Variants in EYS observed in about 807,000 individuals in gnomAD.
The protein encoded by EYS is protein eyes shut homolog.
In EYS, 250 loss-of-function variants were observed where a neutral mutation model predicts 282.1. The observed-to-expected ratio is 0.89, with a 90% CI of 0.80 to 0.98. The LOEUF (loss-of-function observed/expected upper bound fraction) is 0.98. Among genes scored for constraint, EYS ranks in the 50% least tolerant of loss-of-function variants. EYS has a pLI of 0.00. For synonymous variants in EYS, 1,355 were observed against 1,282.9 expected (o/e 1.06, Z -1.20); for missense variants, 4,016 against 3,709.0 (o/e 1.08, Z -2.15).
intron 35 of EYS, among the ~76,000 whole-genome samples, chr6:63,918,138 T>G (rs1483030952): frequency 3.9e-5 from 6 of 152,164 alleles, no homozygotes; most frequent in Admixed American, 1.3e-4. Flanking sequence ...AGATAAAAGA[T>G]TGCATAAATA....
At chr6:64,086,020 T>C (rs1772146016) in intron 31 of EYS, among the ~76,000 whole-genome samples, 1 of 152,220 alleles carries the variant, frequency 6.6e-6, no homozygotes, top group African/African-American at 2.4e-5. Context: ...ACTTTGGCTG[T>C]CTTCTTACCT....
intron 33 of EYS, among the ~76,000 whole-genome samples, chr6:64,026,343 G>T (rs554806880): frequency 6.6e-6 from 1 of 152,200 alleles, no homozygotes; most frequent in African/African-American, 2.4e-5. Context: ...AACCATGGGC[G>T]GTTTTGTCTT....
chr6:64,152,722 C>T (rs915777984), intron 31 of EYS, among the ~76,000 whole-genome samples: 1 of 152,092 alleles, frequency 6.6e-6, no homozygotes, highest in Middle Eastern at 3.2e-3. Flanking sequence ...AGAGAGTCAC[C>T]TTTCTGAGTT....
At chr6:65,390,805 G>C (rs1765999157) in intron 7 of EYS, among the ~76,000 whole-genome samples, 1 of 151,966 alleles carries the variant, frequency 6.6e-6, no homozygotes, top group Non-Finnish European at 1.5e-5. Context: ...GATTGCTTGA[G>C]CCCAGGAGGT....
chr6:63,947,623 T>C (rs528118303), intron 35 of EYS, among the ~76,000 whole-genome samples: 1 of 152,280 alleles, frequency 6.6e-6, no homozygotes, highest in South Asian at 2.1e-4. Context: ...TTCGAAGCAC[T>C]AAGCTCTTGC....
intron 31 of EYS, among the ~76,000 whole-genome samples, chr6:64,087,811 ATATATGGGTT>A (rs775181661): frequency 2.0e-5 from 3 of 152,136 alleles, no homozygotes; most frequent in Non-Finnish European, 4.4e-5. Flanking sequence ...GATAGTCTTT[ATATATGGGTT>A]TATATATGAA....
intron 33 of EYS, among the ~76,000 whole-genome samples, chr6:64,015,386 A>G (rs1768844354): frequency 6.6e-6 from 1 of 152,222 alleles, no homozygotes; most frequent in Admixed American, 6.5e-5. Flanking sequence ...CATAGGCTCA[A>G]GACCACAGGC....
intron 30 of EYS, among the ~76,000 whole-genome samples, chr6:64,274,622 T>G (rs1361155626): frequency 6.6e-6 from 1 of 152,124 alleles, no homozygotes; most frequent in Admixed American, 6.5e-5. Context: ...TTTTCTTCAG[T>G]CAGATGTCAG....
intron 1 of EYS, among the ~76,000 whole-genome samples, chr6:65,695,464 C>G (rs1769413239): frequency 6.6e-6 from 1 of 151,896 alleles, no homozygotes; most frequent in South Asian, 2.1e-4. Context: ...TTGATATATA[C>G]CTCAGATCCA....
At chr6:64,393,466 G>C (rs1346090454) in intron 28 of EYS, among the ~76,000 whole-genome samples, 3 of 152,122 alleles carry the variant, frequency 2.0e-5, no homozygotes, top group Non-Finnish European at 2.9e-5. Flanking sequence ...GGGATGCAAG[G>C]CTGGTTCAAC....
chr6:64,601,592 C>A (rs1766763000), intron 24 of EYS, among the ~76,000 whole-genome samples: 1 of 152,050 alleles, frequency 6.6e-6, no homozygotes, highest in Admixed American at 6.6e-5. Flanking sequence ...CCATCATTAT[C>A]TTTTACATAA....
In EYS at chr6:64,222,320, C is replaced by T. The variant is rs566078366; in HGVS notation, c.6424+8272G>A. 4.9e-4 allele frequency among the ~76,000 whole-genome samples: 75 copies of T among 152,188 alleles called. 2 individuals are homozygous for T. In the South Asian group the frequency reaches 0.015, roughly 29 times the overall value. The stretch of plus-strand genomic sequence containing the variant: ...TAAATTAAGTTTTTCCTATCAAAGG[C>T]ACATCGCATGTTGACAACAATGTCT... On this transcript the variant is annotated intron_variant, in intron 31 of 42. Coordinates refer to ENST00000503581, the MANE Select transcript of EYS (RefSeq NM_001142800.2).
chr6:64,457,513 A>G (rs1024243825), intron 26 of EYS, among the ~76,000 whole-genome samples: 8 of 152,004 alleles, frequency 5.3e-5, no homozygotes, highest in African/African-American at 1.9e-4. Context: ...CTTCGTATCT[A>G]TTGATATTTT....
intron 12 of EYS, among the ~76,000 whole-genome samples, chr6:65,085,389 T>A (rs944329147): frequency 1.3e-5 from 2 of 152,122 alleles, no homozygotes; most frequent in Non-Finnish European, 2.9e-5. Context: ...TATTTGAACC[T>A]CCTTTCAGTG....
chr6:64,021,775 T>C (rs895225360), intron 33 of EYS, among the ~76,000 whole-genome samples: 1 of 147,686 alleles, frequency 6.8e-6, no homozygotes, highest in Non-Finnish European at 1.5e-5. Flanking sequence ...GTTCCCTCCC[T>C]GGAGGAAACT....
intron 12 of EYS, among the ~76,000 whole-genome samples, chr6:65,211,149 C>T (rs993868862): frequency 6.6e-6 from 1 of 152,026 alleles, no homozygotes; most frequent in African/African-American, 2.4e-5. Flanking sequence ...ATTACTCTTA[C>T]AGATGGGAGA....
intron 31 of EYS, among the ~76,000 whole-genome samples, chr6:64,225,638 A>G (rs1480191686): frequency 1.3e-5 from 2 of 152,162 alleles, no homozygotes; most frequent in Non-Finnish European, 2.9e-5. Context: ...TACTCCAGTA[A>G]GGAACACATC....
At chr6:64,224,017 A>G (rs999967547) in intron 31 of EYS, among the ~76,000 whole-genome samples, 1 of 152,066 alleles carries the variant, frequency 6.6e-6, no homozygotes, top group Non-Finnish European at 1.5e-5. Context: ...TTCTGTGAAT[A>G]GGTGGGGCAG....
chr6:64,318,753 T>A (rs1770081279), intron 29 of EYS, among the ~76,000 whole-genome samples: 1 of 151,722 alleles, frequency 6.6e-6, no homozygotes, highest in African/African-American at 2.4e-5. Flanking sequence ...TGTGATTTTT[T>A]ATTTAAAAAA....
Sources: gnomAD v4.1 joint callset for allele counts (sites outside exome capture counted in the v4.1 genomes callset) on GRCh38, gnomAD v4.1.1 for gene constraint, MANE v1.5 for transcripts, NCBI Gene and HGNC (gene_info 2026-07-23, HGNC 2026-07-21) for gene names.